Variants in SMOC1 observed in about 807,000 individuals in gnomAD.
The protein encoded by SMOC1 is SPARC related modular calcium binding 1, also known as SPARC-related modular calcium-binding protein 1.
SMOC1 carries 22 observed loss-of-function variants against 56.3 expected under a neutral mutation model. The observed-to-expected ratio is 0.39, with a 90% CI of 0.28 to 0.56. The LOEUF is 0.56. SMOC1 is among the 20% of genes least tolerant of loss of function. The probability of loss-of-function intolerance (pLI) is 0.61; values close to 1 mark genes in which losing one functional copy is unlikely to be tolerated. For missense variants in SMOC1, 509 were observed against 565.4 expected (o/e 0.90, Z 1.01); for synonymous variants, 193 against 215.0 (o/e 0.90, Z 0.89).
intron 1 of SMOC1, among the ~76,000 whole-genome samples, chr14:69,928,610 C>T (rs1885079183): frequency 1.4e-5 from 1 of 70,332 alleles, no homozygotes; most frequent in Non-Finnish European, 3.3e-5. Flanking sequence ...TTTAGAGGTG[C>T]TCATTGGGGG....
chr14:70,005,554 A>G (rs1885122606), intron 7 of SMOC1, among the ~76,000 whole-genome samples: 1 of 152,144 alleles, frequency 6.6e-6, no homozygotes, highest in Non-Finnish European at 1.5e-5. Context: ...TTCTGGTGAC[A>G]AGGGGTGGAC....
chr14:69,905,158 G>A (rs1884373356), intron 1 of SMOC1, among the ~76,000 whole-genome samples: 1 of 152,252 alleles, frequency 6.6e-6, no homozygotes, highest in African/African-American at 2.4e-5. Context: ...GATGGGAAGA[G>A]GTGCTATGGC....
intron 3 of SMOC1, among the ~76,000 whole-genome samples, chr14:69,957,861 G>A (rs763388224): frequency 1.3e-5 from 2 of 152,084 alleles, no homozygotes; most frequent in East Asian, 3.9e-4. Flanking sequence ...CTGCTATATT[G>A]TGGGCTGTGT....
chr14:70,012,705 G>A (rs2139591605), intron 9 of SMOC1, among the ~76,000 whole-genome samples: 1 of 152,314 alleles, frequency 6.6e-6, no homozygotes, highest in Admixed American at 6.5e-5. Flanking sequence ...TTATCCAGTT[G>A]TGTGGTGGTG....
chr14:69,975,849 T>C, intron 4 of SMOC1, 35 bp downstream of exon 4: 1 of 1,509,226 alleles, frequency 6.6e-7, no homozygotes, highest in Non-Finnish European at 9.2e-7. Flanking sequence ...ATGAAAAGGG[T>C]TGGAGAGAGA....
chr14:70,015,215 C>T (rs12890357), intron 10 of SMOC1, among the ~76,000 whole-genome samples: 24,156 of 152,116 alleles, frequency 0.16, 2,649 homozygotes, highest in East Asian at 0.39. Flanking sequence ...CATGATTCCA[C>T]GTACATGAGG....
Position 70,030,320 on chromosome 14 carries a change from T to G in SMOC1, c.*62T>G. ...GAGGCAGGATGGATCACCAGACACCTAACCTTCAGCGTTGCCCATGGCCCT... is the reference window on the plus strand; with the variant it reads ...GAGGCAGGATGGATCACCAGACACCGAACCTTCAGCGTTGCCCATGGCCCT... On this transcript the variant is annotated 3_prime_UTR_variant, in exon 12 of 12. Transcript: ENST00000361956. The G allele has an allele frequency of 1.9e-6, 3 of 1,598,204 alleles. No homozygotes were observed. In the Admixed American group the frequency reaches 5.1e-5, roughly 27 times the overall value.
rs1344605516 is a variant in SMOC1, at chr14:69,992,343, C to T, written c.527-74C>T. ...CCTTGTACAAACCCCAACCATTCAACAGTGCTGGAGAGTAGATAGTATTTA... is the reference window on the plus strand; with the variant it reads ...CCTTGTACAAACCCCAACCATTCAATAGTGCTGGAGAGTAGATAGTATTTA... On this transcript the variant is annotated intron_variant, in intron 5 of 11. Transcript: ENST00000361956. The T allele has an allele frequency of 5.5e-6, 8 of 1,450,130 alleles. No homozygotes were observed. The African/African-American group carries it at 1.1e-4, about 20-fold the overall frequency. The allele number at this position is 1,450,130 out of a possible 1,614,324, so 89.8% of individuals were successfully genotyped here.
At chr14:69,915,122 C>G (rs535758840) in intron 1 of SMOC1, among the ~76,000 whole-genome samples, 2 of 152,318 alleles carry the variant, frequency 1.3e-5, no homozygotes, top group East Asian at 3.9e-4. Context: ...CCCGCTTCAG[C>G]CTCCCAAAGT....
intron 11 of SMOC1, among the ~76,000 whole-genome samples, chr14:70,027,967 C>T (rs1160773702): frequency 6.6e-6 from 1 of 152,184 alleles, no homozygotes; most frequent in Non-Finnish European, 1.5e-5. Context: ...GCCTATGCGT[C>T]GGTCATCCAT....
chr14:69,960,865 C>T (rs1195556350), intron 3 of SMOC1, among the ~76,000 whole-genome samples: 2 of 152,008 alleles, frequency 1.3e-5, no homozygotes, highest in Non-Finnish European at 2.9e-5. Flanking sequence ...GTCTGTGGAC[C>T]GGCCACCTGT....
At chr14:70,008,560 T>C (rs1885222762) in intron 7 of SMOC1, among the ~76,000 whole-genome samples, 1 of 152,174 alleles carries the variant, frequency 6.6e-6, no homozygotes. Context: ...TGCCTCTTCT[T>C]AGATGGCTTC....
Position 70,030,398 on chromosome 14 carries a change from C to A in SMOC1, c.*140C>A. ...CCCACCATGTTTGCACTTTTAATAACTCTTACTTGCGTGTTTTGTTTTTGG... is the reference window on the plus strand; with the variant it reads ...CCCACCATGTTTGCACTTTTAATAAATCTTACTTGCGTGTTTTGTTTTTGG... On this transcript the variant is annotated 3_prime_UTR_variant, in exon 12 of 12. Coordinates refer to ENST00000361956, the MANE Select transcript of SMOC1 (RefSeq NM_001034852.3). 9.7e-7 allele frequency: 1 copy of A among 1,027,772 alleles called. No homozygotes were observed. The highest frequency in any genetic ancestry group is 1.5e-6 in the Non-Finnish European group (1 of 686,010). The allele number at this position is 1,027,772 out of a possible 1,614,324, so 63.7% of individuals were successfully genotyped here.
chr14:69,983,613 G>GC (rs1319060755), intron 5 of SMOC1, among the ~76,000 whole-genome samples: 1 of 152,236 alleles, frequency 6.6e-6, no homozygotes, highest in Non-Finnish European at 1.5e-5. Flanking sequence ...TCTAAGGAAA[G>GC]CCCCTTGGAG....
chr14:69,900,229 C>T (rs989082132), intron 1 of SMOC1, among the ~76,000 whole-genome samples: 1 of 152,300 alleles, frequency 6.6e-6, no homozygotes, highest in East Asian at 1.9e-4. Context: ...GAAGCAGCCA[C>T]CCAACTACCT....
intron 1 of SMOC1, among the ~76,000 whole-genome samples, chr14:69,904,289 T>G (rs1884348683): frequency 6.6e-6 from 1 of 152,260 alleles, no homozygotes; most frequent in Non-Finnish European, 1.5e-5. Context: ...CTGTGGAACT[T>G]CTTCCCACCT....
chr14:69,944,639 G>A (rs530911074), intron 1 of SMOC1, among the ~76,000 whole-genome samples: 90 of 152,080 alleles, frequency 5.9e-4, no homozygotes, highest in Admixed American at 1.3e-3. Flanking sequence ...GTAGCTGCCC[G>A]AAAAACTAGA....
At chr14:70,029,378 G>A (rs991520770) in intron 11 of SMOC1, among the ~76,000 whole-genome samples, 10 of 152,188 alleles carry the variant, frequency 6.6e-5, no homozygotes, top group African/African-American at 2.4e-4. Context: ...GTTCTGTCCA[G>A]GTACATCAGC....
At chr14:69,998,403 A>T (rs1020899217) in intron 7 of SMOC1, among the ~76,000 whole-genome samples, 1 of 151,594 alleles carries the variant, frequency 6.6e-6, no homozygotes, top group Non-Finnish European at 1.5e-5. Flanking sequence ...TTCTGCTTTT[A>T]TAAGGAAATA....
Sources: gnomAD v4.1 joint callset for allele counts (sites outside exome capture counted in the v4.1 genomes callset) on GRCh38, gnomAD v4.1.1 for gene constraint, MANE v1.5 for transcripts, NCBI Gene and HGNC (gene_info 2026-07-23, HGNC 2026-07-21) for gene names.